IMMP2L: variants seen among roughly 807,000 people sequenced by gnomAD.
IMMP2L encodes the protein inner mitochondrial membrane peptidase subunit 2, also known as mitochondrial inner membrane protease subunit 2.
IMMP2L carries 18 observed loss-of-function variants against 19.3 expected under a neutral mutation model. The ratio of observed to expected loss-of-function variants is 0.93; its 90% CI spans 0.64 to 1.38. IMMP2L has a LOEUF of 1.38. Ranked by LOEUF, IMMP2L falls within the 40% of genes most tolerant of loss-of-function variation. The probability of loss-of-function intolerance (pLI) is 0.00; values close to 1 mark genes in which losing one functional copy is unlikely to be tolerated. For missense variants in IMMP2L, 233 were observed against 218.2 expected, an observed-to-expected ratio of 1.07 and a Z score of -0.43; for synonymous variants, 76 against 73.0, an observed-to-expected ratio of 1.04 and a Z score of -0.21.
intron 3 of IMMP2L, among the ~76,000 whole-genome samples, chr7:111,369,083 C>T (rs1388511475): frequency 7.6e-6 from 1 of 131,392 alleles, no homozygotes; most frequent in Admixed American, 8.2e-5. Flanking sequence ...ACAGTATTTC[C>T]TATTCTTTTT....
intron 5 of IMMP2L, among the ~76,000 whole-genome samples, chr7:110,858,197 A>C (rs1404732008): frequency 3.3e-5 from 5 of 152,094 alleles, no homozygotes; most frequent in Admixed American, 3.3e-4. Context: ...AAAAATCTCA[A>C]ATAACAATTA....
intron 5 of IMMP2L, among the ~76,000 whole-genome samples, chr7:110,835,563 T>C (rs575946960): frequency 7.9e-5 from 12 of 152,200 alleles, no homozygotes; most frequent in African/African-American, 2.2e-4. Flanking sequence ...ATTAAAGTGT[T>C]TGGTTGTAAA....
In IMMP2L at chr7:111,319,544, A is replaced by C. The variant is rs1021128732; in HGVS notation, c.239+167694T>G. Among the ~76,000 whole-genome samples the C allele has an allele frequency of 2.6e-5, 4 of 152,156 alleles. No homozygotes were observed. In the East Asian group the frequency reaches 7.7e-4, roughly 29 times the overall value. On this transcript the variant is annotated intron_variant, in intron 3 of 5. Transcript: ENST00000405709. ...AGAATAGTAATCAGTGAACTACCAA[A>C]ATTTTCATCATTCAAAATTTTTACA...
chr7:111,337,466 A>G (rs1158953253), intron 3 of IMMP2L, among the ~76,000 whole-genome samples: 2 of 143,956 alleles, frequency 1.4e-5, no homozygotes, highest in Non-Finnish European at 2.9e-5. Context: ...GGATGGATGG[A>G]TGGATGGATG....
intron 3 of IMMP2L, among the ~76,000 whole-genome samples, chr7:111,434,915 A>C (rs10281388): frequency 0.025 from 3,731 of 151,940 alleles, 218 homozygotes; most frequent in African/African-American, 0.085. Context: ...TCATGACACA[A>C]GGTGAAAAAT....
chr7:110,683,606 A>G (rs1369594023), intron 5 of IMMP2L, among the ~76,000 whole-genome samples: 2 of 152,140 alleles, frequency 1.3e-5, no homozygotes, highest in Non-Finnish European at 2.9e-5. Flanking sequence ...TATTTTTTGT[A>G]AAGACTCAAT....
intron 4 of IMMP2L, among the ~76,000 whole-genome samples, chr7:110,956,329 C>A (rs1474300352): frequency 1.3e-5 from 2 of 152,010 alleles, no homozygotes; most frequent in African/African-American, 4.8e-5. Flanking sequence ...GCTGTACTCA[C>A]CAGCACAAAA....
intron 4 of IMMP2L, among the ~76,000 whole-genome samples, chr7:110,934,623 T>C (rs1815872957): frequency 6.6e-6 from 1 of 152,352 alleles, no homozygotes; most frequent in South Asian, 2.1e-4. Context: ...TATTATTGTG[T>C]GGGAGTCTAA....
chr7:111,401,879 A>G (rs1056985908), intron 3 of IMMP2L, among the ~76,000 whole-genome samples: 5 of 152,074 alleles, frequency 3.3e-5, no homozygotes, highest in Admixed American at 3.3e-4. Flanking sequence ...GGTAAATGCA[A>G]GACTGGTGAA....
chr7:111,276,775 A>G (rs1819119163), intron 3 of IMMP2L, among the ~76,000 whole-genome samples: 1 of 152,124 alleles, frequency 6.6e-6, no homozygotes, highest in Non-Finnish European at 1.5e-5. Flanking sequence ...AGATACCAAG[A>G]TGAATGGAAC....
chr7:110,702,858 T>A (rs1011811583), intron 5 of IMMP2L, among the ~76,000 whole-genome samples: 1 of 152,146 alleles, frequency 6.6e-6, no homozygotes, highest in African/African-American at 2.4e-5. Context: ...TTTTAAAACT[T>A]TTACTTTTCA....
intron 3 of IMMP2L, among the ~76,000 whole-genome samples, chr7:111,387,003 T>G (rs1831825070): frequency 6.6e-6 from 1 of 152,228 alleles, no homozygotes; most frequent in Non-Finnish European, 1.5e-5. Flanking sequence ...TGATTTTGCT[T>G]CTTATATCAC....
At chr7:110,715,831 A>G (rs910817249) in intron 5 of IMMP2L, among the ~76,000 whole-genome samples, 4 of 152,108 alleles carry the variant, frequency 2.6e-5, no homozygotes, top group South Asian at 2.1e-4. Context: ...CCTAACCTCA[A>G]TGATCTGTCT....
At chr7:110,704,377 T>C (rs1791806761) in intron 5 of IMMP2L, among the ~76,000 whole-genome samples, 1 of 152,234 alleles carries the variant, frequency 6.6e-6, no homozygotes, top group Admixed American at 6.5e-5. Context: ...CTTACAATAC[T>C]GTCACACCTA....
At chr7:110,878,410 A>G (rs1585113838) in intron 5 of IMMP2L, among the ~76,000 whole-genome samples, 2 of 152,064 alleles carry the variant, frequency 1.3e-5, no homozygotes, top group Non-Finnish European at 2.9e-5. Context: ...TATTTAAATA[A>G]TTTTGATGTA....
intron 4 of IMMP2L, among the ~76,000 whole-genome samples, chr7:110,917,355 A>G (rs1053101274): frequency 2.0e-5 from 3 of 152,124 alleles, no homozygotes; most frequent in African/African-American, 7.2e-5. Flanking sequence ...CCAATACTAC[A>G]TTTTTTTCTT....
chr7:111,362,881 A>C (rs958870515), intron 3 of IMMP2L, among the ~76,000 whole-genome samples: 12 of 152,188 alleles, frequency 7.9e-5, no homozygotes, highest in Non-Finnish European at 1.6e-4. Context: ...CAATTCTGAA[A>C]GGGGAGTTAG....
intron 5 of IMMP2L, among the ~76,000 whole-genome samples, chr7:110,737,230 A>C (rs1235798194): frequency 6.6e-6 from 1 of 152,118 alleles, no homozygotes; most frequent in African/African-American, 2.4e-5. Flanking sequence ...ATGCCAAAAA[A>C]ACTGTGAGTC....
At chr7:111,250,962 C>G (rs1236083194) in intron 3 of IMMP2L, among the ~76,000 whole-genome samples, 1 of 152,102 alleles carries the variant, frequency 6.6e-6, no homozygotes, top group Admixed American at 6.6e-5. Context: ...TCAGACTGAA[C>G]AGACAACCTA....
Sources: gnomAD v4.1 joint callset for allele counts (sites outside exome capture counted in the v4.1 genomes callset) on GRCh38, gnomAD v4.1.1 for gene constraint, MANE v1.5 for transcripts, NCBI Gene and HGNC (gene_info 2026-07-23, HGNC 2026-07-21) for gene names.